Variants in ZFPM2 observed in about 807,000 individuals in gnomAD.
ZFPM2 encodes zinc finger protein, FOG family member 2, also known as zinc finger protein ZFPM2.
Under a neutral mutation model 98.6 loss-of-function variants are expected in ZFPM2, and 20 were observed. That is an observed-to-expected ratio of 0.20 (90% CI 0.14 to 0.29). The LOEUF is 0.29. Ranked by LOEUF, ZFPM2 falls within the 10% of genes least tolerant of loss-of-function variation. ZFPM2 has a pLI of 1.00. For synonymous variants in ZFPM2, 518 were observed against 502.7 expected (o/e 1.03, Z -0.41); for missense variants, 1,310 against 1,388.6 (o/e 0.94, Z 0.90).
At chr8:105,472,197 AG>A (rs769255775) in intron 3 of ZFPM2, among the ~76,000 whole-genome samples, 20 of 152,228 alleles carry the variant, frequency 1.3e-4, no homozygotes, top group Non-Finnish European at 1.9e-4. Flanking sequence ...ACTAATAATT[AG>A]TACATAGTTT....
intron 5 of ZFPM2, among the ~76,000 whole-genome samples, chr8:105,770,533 A>G (rs149783164): frequency 2.0e-5 from 3 of 152,266 alleles, no homozygotes; most frequent in African/African-American, 7.2e-5. Flanking sequence ...ATTATCGTGA[A>G]TAAAATAAGA....
At chr8:105,720,750 G>C (rs6997743) in intron 5 of ZFPM2, among the ~76,000 whole-genome samples, 1 of 151,568 alleles carries the variant, frequency 6.6e-6, no homozygotes, top group Non-Finnish European at 1.5e-5. Context: ...TCCTAAAATA[G>C]ATATATAGAT....
rs554766952 is a variant in ZFPM2, at chr8:105,450,700, G to T, written c.301+6319G>T. Among the ~76,000 whole-genome samples, 29 of 152,154 alleles carry T rather than the reference G, an allele frequency of 1.9e-4. No individual in the cohort carries two copies. In the East Asian group the frequency reaches 5.4e-3, roughly 28 times the overall value. ...ATGAAAATGAGGCAGAGAGGAATGT[G>T]TGTGTATGTGTGTGTGTGCTCACGT... On this transcript the variant is annotated intron_variant, in intron 3 of 7. Transcript: ENST00000407775.
At chr8:105,456,354 C>A (rs1812592824) in intron 3 of ZFPM2, among the ~76,000 whole-genome samples, 1 of 151,412 alleles carries the variant, frequency 6.6e-6, no homozygotes, top group African/African-American at 2.4e-5. Flanking sequence ...GAAAAACAAG[C>A]ACATGGAATC....
At chr8:105,482,995 TTTCCTTCCTTCC>T (rs372199307) in intron 3 of ZFPM2, among the ~76,000 whole-genome samples, 44 of 51,462 alleles carry the variant, frequency 8.5e-4, no homozygotes, top group Middle Eastern at 0.015. Flanking sequence ...CCCCCCATCC[TTTCCTTCCTTCC>T]TTCCTTCCTT....
intron 3 of ZFPM2, among the ~76,000 whole-genome samples, chr8:105,454,301 A>G (rs1812545113): frequency 6.6e-6 from 1 of 152,016 alleles, no homozygotes; most frequent in Non-Finnish European, 1.5e-5. Flanking sequence ...TCGATACCCC[A>G]CATTTCTTGT....
intron 1 of ZFPM2, among the ~76,000 whole-genome samples, chr8:105,399,080 G>T (rs539707650): frequency 5.3e-4 from 80 of 152,296 alleles, no homozygotes; most frequent in South Asian, 1.4e-3. Context: ...GATGTGCCAA[G>T]ATCTCAGGGA....
chr8:105,499,586 C>A (rs571751165), intron 3 of ZFPM2, among the ~76,000 whole-genome samples: 1 of 152,216 alleles, frequency 6.6e-6, no homozygotes, highest in South Asian at 2.1e-4. Context: ...GAGAAGATTC[C>A]ATGGTCAGAT....
intron 5 of ZFPM2, chr8:105,787,002 C>T (rs763282635): frequency 4.6e-5 from 7 of 152,166 alleles, no homozygotes; most frequent in Non-Finnish European, 1.0e-4. Flanking sequence ...CCTAGCTCTC[C>T]GTTACACAGC....
intron 4 of ZFPM2, among the ~76,000 whole-genome samples, chr8:105,565,478 G>A (rs1452654505): frequency 1.3e-5 from 2 of 152,116 alleles, no homozygotes. Context: ...TCTTACACAA[G>A]TGCAAGAGAA....
intron 5 of ZFPM2, among the ~76,000 whole-genome samples, chr8:105,669,733 G>A (rs1342356351): frequency 7.2e-5 from 11 of 152,082 alleles, no homozygotes; most frequent in Admixed American, 7.2e-4. Context: ...CTCTATTGAA[G>A]GATATGGGAC....
At chr8:105,427,879 TA>T (rs1263855115) in intron 2 of ZFPM2, among the ~76,000 whole-genome samples, 1 of 152,198 alleles carries the variant, frequency 6.6e-6, no homozygotes, top group African/African-American at 2.4e-5. Context: ...ACAATAATTT[TA>T]ATAATGGTAA....
At chr8:105,593,112 C>T (rs187990068) in intron 4 of ZFPM2, among the ~76,000 whole-genome samples, 45 of 152,184 alleles carry the variant, frequency 3.0e-4, no homozygotes, top group African/African-American at 1.1e-3. Flanking sequence ...TATCGAGACC[C>T]CTTGACCAGC....
At chr8:105,417,749 T>C (rs1377156418) in intron 1 of ZFPM2, among the ~76,000 whole-genome samples, 1 of 152,180 alleles carries the variant, frequency 6.6e-6, no homozygotes, top group Non-Finnish European at 1.5e-5. Flanking sequence ...ATGTGGTTGG[T>C]GCAAAAACAA....
At chr8:105,474,659 A>G (rs1402797970) in intron 3 of ZFPM2, among the ~76,000 whole-genome samples, 1 of 152,232 alleles carries the variant, frequency 6.6e-6, no homozygotes. Context: ...ATCTGATTTT[A>G]TAGTCAATCA....
chr8:105,616,991 TG>T (rs1225499674), intron 4 of ZFPM2, among the ~76,000 whole-genome samples: 2 of 111,490 alleles, frequency 1.8e-5, no homozygotes, highest in Non-Finnish European at 3.3e-5. Context: ...CACTCCAGCC[TG>T]GGGGACTACT....
chr8:105,788,700 C>CT lies in ZFPM2; in HGVS notation c.533-12dup, dbSNP rs757722909. On this transcript the variant is annotated splice_polypyrimidine_tract_variant and intron_variant, in intron 5 of 7. Coordinates refer to ENST00000407775, the MANE Select transcript of ZFPM2 (RefSeq NM_012082.4). ...CATCCTATGTCAATTTTATCTTTTT[C>CT]TTTTTTCTTCTTAATAGGGGGTCAG... is the stretch of plus-strand genomic sequence containing the variant. 1.2e-6 allele frequency: 2 copies of CT among 1,612,890 alleles called. No homozygotes were observed. The highest frequency in any genetic ancestry group is 1.7e-6 in the Non-Finnish European group (2 of 1,179,024).
At position 105,803,728 on chromosome 8, in the gene ZFPM2, A is replaced by C; in HGVS notation, c.*190A>C. ...AGTGTATTATTGGTGCCATTTTCAA[A>C]AAAATTAATTTATTTTACCAGCAGT... On this transcript the variant is annotated 3_prime_UTR_variant, in exon 8 of 8. Transcript: ENST00000407775. The C allele has an allele frequency of 1.7e-6, 1 of 588,136 alleles. No homozygotes were observed. Among genetic ancestry groups the C allele is most frequent in the Non-Finnish European group, 2.9e-6 (1 of 341,176 alleles). 36.4% of individuals were successfully genotyped at this position (588,136 alleles called of 1,614,324 possible). A position where few individuals can be genotyped will look rare whatever the true frequency, so the allele number is the denominator to read the frequency against.
chr8:105,395,942 A>G (rs1167840507), intron 1 of ZFPM2, among the ~76,000 whole-genome samples: 1 of 152,190 alleles, frequency 6.6e-6, no homozygotes, highest in Admixed American at 6.5e-5. Context: ...TCATATTACG[A>G]CTTCTGAGAC....
Sources: allele counts gnomAD v4.1 joint callset (sites outside exome capture counted in the v4.1 genomes callset), GRCh38; gene constraint gnomAD v4.1.1; transcripts MANE v1.5; gene names NCBI Gene and HGNC (gene_info 2026-07-23, HGNC 2026-07-21).